Variants in VMP1 observed in about 807,000 individuals in gnomAD.
The protein encoded by VMP1 is ectopic P-granules autophagy protein 3 homolog.
Under a neutral mutation model 56.0 loss-of-function variants are expected in VMP1, and 11 were observed. That is an observed-to-expected ratio of 0.20 (90% CI 0.12 to 0.32). The LOEUF (loss-of-function observed/expected upper bound fraction) is 0.32, where lower values mean the gene tolerates loss of function less well. Ranked by LOEUF, VMP1 falls within the 10% of genes least tolerant of loss-of-function variation. VMP1 has a pLI of 1.00. For synonymous variants in VMP1, 149 were observed against 165.0 expected (o/e 0.90, Z 0.74); for missense variants, 296 against 490.3 (o/e 0.60, Z 3.74).
At chr17:59,827,602 C>T (rs2038683315) in intron 10 of VMP1, among the ~76,000 whole-genome samples, 1 of 152,116 alleles carries the variant, frequency 6.6e-6, no homozygotes, top group African/African-American at 2.4e-5. Flanking sequence ...AGCCGCTGTG[C>T]TGGCCTGATT....
At chr17:59,757,513 A>G (rs1249362259) in intron 5 of VMP1, among the ~76,000 whole-genome samples, 1 of 152,178 alleles carries the variant, frequency 6.6e-6, no homozygotes, top group Non-Finnish European at 1.5e-5. Context: ...AACTTATGTA[A>G]AAAGAGTTTT....
intron 4 of VMP1, among the ~76,000 whole-genome samples, chr17:59,738,003 C>T (rs1390395308): frequency 6.6e-6 from 1 of 152,124 alleles, no homozygotes; most frequent in Non-Finnish European, 1.5e-5. Context: ...AACTCCTGAC[C>T]TCAGGTGATC....
At chr17:59,827,529 C>G (rs914275394) in intron 10 of VMP1, among the ~76,000 whole-genome samples, 20 of 151,626 alleles carry the variant, frequency 1.3e-4, no homozygotes, top group African/African-American at 4.6e-4. Flanking sequence ...ATTGGCCAGG[C>G]TGGTCTCAAA....
At chr17:59,794,792 A>C (rs776568917) in intron 7 of VMP1, among the ~76,000 whole-genome samples, 1 of 151,148 alleles carries the variant, frequency 6.6e-6, no homozygotes, top group Admixed American at 6.6e-5. Context: ...TTCCTAGACT[A>C]TACAAGAAAT....
At chr17:59,832,657 AAT>A (rs2038850219) in intron 10 of VMP1, among the ~76,000 whole-genome samples, 4 of 151,500 alleles carry the variant, frequency 2.6e-5, no homozygotes, top group Admixed American at 2.6e-4. Flanking sequence ...GCAGTGGCAC[AAT>A]CTCGGCTCAC....
chr17:59,814,180 T>C (rs765964492), intron 9 of VMP1, among the ~76,000 whole-genome samples: 3 of 152,184 alleles, frequency 2.0e-5, no homozygotes, highest in Non-Finnish European at 4.4e-5. Context: ...GGGTTCACCA[T>C]ATTGGCCAGG....
At chr17:59,783,986 T>C (rs2036916057) in intron 7 of VMP1, among the ~76,000 whole-genome samples, 2 of 152,152 alleles carry the variant, frequency 1.3e-5, no homozygotes, top group Non-Finnish European at 2.9e-5. Flanking sequence ...GTTTTCTTCA[T>C]TACTTGGCCC....
At chr17:59,834,691 C>A (rs2144337528) in intron 10 of VMP1, among the ~76,000 whole-genome samples, 1 of 150,252 alleles carries the variant, frequency 6.7e-6, no homozygotes, top group South Asian at 2.1e-4. Context: ...GTGGTGCGAT[C>A]TGGGCTCACT....
intron 5 of VMP1, among the ~76,000 whole-genome samples, chr17:59,762,006 C>T (rs2036072041): frequency 1.3e-5 from 2 of 152,170 alleles, no homozygotes; most frequent in South Asian, 2.1e-4. Context: ...TGTCTACAGA[C>T]AAGAAGCCAG....
chr17:59,838,285 C>G lies in VMP1; in HGVS notation c.975-10C>G, dbSNP rs979980256. 6.2e-7 allele frequency: 1 copy of G among 1,613,210 alleles called. No homozygotes were observed. Among genetic ancestry groups the G allele is most frequent in the African/African-American group, 1.3e-5 (1 of 74,812 alleles). On this transcript the variant is annotated splice_polypyrimidine_tract_variant and intron_variant, in intron 10 of 11. Transcript: ENST00000262291. ...GTCTTTTTCTTTGGGCTACTGTACC[C>G]TGCTTCCAGTGCTGTCCCCGGCATA...
intron 7 of VMP1, among the ~76,000 whole-genome samples, chr17:59,788,143 A>T (rs1568146974): frequency 6.6e-6 from 1 of 152,242 alleles, no homozygotes; most frequent in Non-Finnish European, 1.5e-5. Flanking sequence ...AGGGAAAAAA[A>T]GAATAAATAT....
chr17:59,801,536 G>T (rs1011323876), intron 7 of VMP1, among the ~76,000 whole-genome samples: 3 of 152,032 alleles, frequency 2.0e-5, no homozygotes, highest in African/African-American at 7.2e-5. Flanking sequence ...TTATAGGCAT[G>T]AGCCACTGTG....
intron 5 of VMP1, among the ~76,000 whole-genome samples, chr17:59,750,190 CG>C (rs2035585487): frequency 6.6e-6 from 1 of 151,916 alleles, no homozygotes; most frequent in African/African-American, 2.4e-5. Flanking sequence ...ATTAGTAAAT[CG>C]TTTTATTTCT....
chr17:59,744,359 G>A (rs2035340793), intron 5 of VMP1, among the ~76,000 whole-genome samples: 1 of 151,084 alleles, frequency 6.6e-6, no homozygotes, highest in Non-Finnish European at 1.5e-5. Context: ...CTACTCAGGA[G>A]GCTGAGGCAG....
intron 10 of VMP1, among the ~76,000 whole-genome samples, chr17:59,828,930 A>G (rs2038725592): frequency 6.6e-6 from 1 of 152,194 alleles, no homozygotes; most frequent in Non-Finnish European, 1.5e-5. Context: ...AGCCTGACCA[A>G]CATGGTGAAA....
At chr17:59,825,272 C>T (rs1288701961) in intron 10 of VMP1, among the ~76,000 whole-genome samples, 6 of 151,618 alleles carry the variant, frequency 4.0e-5, no homozygotes, top group Non-Finnish European at 8.8e-5. Flanking sequence ...CAGGATTTCA[C>T]GATGTTGGCT....
intron 10 of VMP1, among the ~76,000 whole-genome samples, chr17:59,835,100 T>C (rs1458465627): frequency 2.6e-5 from 4 of 152,098 alleles, no homozygotes; most frequent in African/African-American, 9.7e-5. Flanking sequence ...TTCACCATGT[T>C]GGCCAGGCTG....
At chr17:59,752,355 G>A (rs767431588) in intron 5 of VMP1, among the ~76,000 whole-genome samples, 16 of 152,276 alleles carry the variant, frequency 1.1e-4, no homozygotes, top group Non-Finnish European at 2.1e-4. Flanking sequence ...GTAGTACACC[G>A]GAAGAGACAT....
chr17:59,723,850 A>G (rs2034489161), intron 1 of VMP1, among the ~76,000 whole-genome samples: 1 of 152,214 alleles, frequency 6.6e-6, no homozygotes, highest in Admixed American at 6.5e-5. Context: ...GACATGGGTG[A>G]AGTGTAAATA....
Sources: allele counts gnomAD v4.1 joint callset (sites outside exome capture counted in the v4.1 genomes callset), GRCh38; gene constraint gnomAD v4.1.1; transcripts MANE v1.5; gene names NCBI Gene and HGNC (gene_info 2026-07-23, HGNC 2026-07-21).